MYO18A: variants seen among roughly 807,000 people sequenced by gnomAD.
The protein encoded by MYO18A is myosin XVIIIA.
MYO18A carries 78 observed loss-of-function variants against 235.8 expected under a neutral mutation model. The observed-to-expected ratio is 0.33, with a 90% CI of 0.28 to 0.40. The LOEUF is 0.40. MYO18A is among the 10% of genes least tolerant of loss of function. The pLI, the probability that MYO18A is intolerant of heterozygous loss-of-function variation, is 1.00. For missense variants in MYO18A, 2,215 were observed against 2,699.3 expected (o/e 0.82, Z 3.98); for synonymous variants, 977 against 1,077.8 (o/e 0.91, Z 1.83).
intron 23 of MYO18A, 130 bp downstream of exon 23, chr17:29,098,696 C>G (rs1177073780): frequency 7.6e-7 from 1 of 1,323,392 alleles, no homozygotes; most frequent in African/African-American, 1.5e-5. Context: ...AGAGGGACAT[C>G]TTCTATTTGA....
At chr17:29,122,464 G>A (rs1245487163) in intron 2 of MYO18A, among the ~76,000 whole-genome samples, 9 of 152,182 alleles carry the variant, frequency 5.9e-5, no homozygotes, top group Non-Finnish European at 1.3e-4. Context: ...AAGGAGCCCT[G>A]AGGACAGGAC....
chr17:29,127,843 C>T lies in MYO18A; in HGVS notation c.1000-5590G>A, dbSNP rs912919786. 3.5e-5 allele frequency: 35 copies of T among 987,746 alleles called. No homozygotes were observed. In the African/African-American group the frequency reaches 5.8e-4, roughly 16 times the overall value. 61.2% of individuals were successfully genotyped at this position (987,746 alleles called of 1,614,324 possible). On this transcript the variant is annotated intron_variant, in intron 2 of 41. Coordinates refer to ENST00000527372, the MANE Select transcript of MYO18A (RefSeq NM_078471.4). ...AGGGGCAGGAGCGGTTAGTGACACA[C>T]TCTTGTACCTCCTGCTTCACACCAG...
At chr17:29,128,316 C>T (rs2067375974) in intron 2 of MYO18A, 5 of 1,235,516 alleles carry the variant, frequency 4.0e-6, no homozygotes, top group Middle Eastern at 3.5e-4. Context: ...CCAAGCTCCT[C>T]GCTGGGCAGC....
At chr17:29,082,006 T>A (rs1246542496) in intron 41 of MYO18A, among the ~76,000 whole-genome samples, 1 of 152,188 alleles carries the variant, frequency 6.6e-6, no homozygotes, top group Non-Finnish European at 1.5e-5. Flanking sequence ...CAGTTTTGAT[T>A]CCAAGGGTCT....
chr17:29,119,552 CAT>C, intron 7 of MYO18A, 117 bp from the exon 8 acceptor site: 2 of 513,136 alleles, frequency 3.9e-6, no homozygotes, highest in Non-Finnish European at 6.4e-6. Context: ...CAAGCAGCTG[CAT>C]TTTTTTTTTT....
intron 37 of MYO18A, among the ~76,000 whole-genome samples, chr17:29,089,252 GA>G (rs1371181689): frequency 6.6e-6 from 1 of 151,096 alleles, no homozygotes; most frequent in African/African-American, 2.4e-5. Context: ...CCAACATGGT[GA>G]AACCCCCTCT....
chr17:29,170,046 G>C (rs1008101295), intron 1 of MYO18A, among the ~76,000 whole-genome samples: 14 of 152,136 alleles, frequency 9.2e-5, no homozygotes, highest in African/African-American at 3.4e-4. Flanking sequence ...TCTAGGCCTG[G>C]ATCTGCCAAA....
chr17:29,116,613 G>GCACACACACACACACACACACACA (rs144361514), intron 10 of MYO18A, among the ~76,000 whole-genome samples, 158 bp from the exon 11 acceptor site: 1,694 of 144,884 alleles, frequency 0.012, 36 homozygotes, highest in African/African-American at 0.04. Context: ...TGGGACAAAC[G>GCACACACACACACACACACACACA]CACACACACA....
intron 41 of MYO18A, chr17:29,080,193 A>T: frequency 1.0e-6 from 1 of 985,990 alleles, no homozygotes; most frequent in South Asian, 4.7e-5. Flanking sequence ...TCTTCCTGTC[A>T]TCCTCCTCGG....
intron 1 of MYO18A, among the ~76,000 whole-genome samples, chr17:29,175,650 C>A (rs2068507826): frequency 6.6e-6 from 1 of 151,970 alleles, no homozygotes; most frequent in African/African-American, 2.4e-5. Flanking sequence ...AGGTGTGAAC[C>A]ACTGTGTCCG....
intron 2 of MYO18A, among the ~76,000 whole-genome samples, chr17:29,135,308 G>A (rs185639441): frequency 6.6e-6 from 1 of 151,986 alleles, no homozygotes; most frequent in Non-Finnish European, 1.5e-5. Flanking sequence ...TTCACCGTGT[G>A]AGCCAGGATG....
chr17:29,094,814 C>A lies in MYO18A; in HGVS notation c.4546G>T (p.Val1516Phe), dbSNP rs763968572. The change falls in exon 30 of 42, where the codon GTT becomes TTT. Residue 1516 changes from valine (V) to phenylalanine (F), a missense_variant. By Grantham distance (50) the Val-to-Phe change is conservative. Transcript: ENST00000527372. ...TGGAGCTCTGCCTCTAGAGACACAA[C>A]CTTCTGGGTGAACCCTGCAATGTCC... The part of the protein sequence containing the change: ...DMDIAGFTQK[V>F]VSLEAELQDI... The A allele has an allele frequency of 6.2e-6, 10 of 1,613,944 alleles. No homozygotes were observed. The East Asian group carries it at 8.9e-5, about 14-fold the overall frequency.
chr17:29,107,024 G>A (rs1031803091), intron 20 of MYO18A, 56 bp downstream of exon 20: 41 of 1,523,258 alleles, frequency 2.7e-5, no homozygotes, highest in Non-Finnish European at 3.6e-5. Context: ...GTCTGGAAAG[G>A]GCAGCTGCTT....
rs1227311559 is a variant in MYO18A, at chr17:29,140,213, C to A, written c.1000-17960G>T. The A allele has an allele frequency of 2.4e-5, 14 of 587,390 alleles. No homozygotes were observed. Among genetic ancestry groups the A allele is most frequent in the Non-Finnish European group, 3.4e-5 (14 of 414,636 alleles). The allele number at this position is 587,390 out of a possible 1,614,324, so 36.4% of individuals were successfully genotyped here. A position where few individuals can be genotyped will look rare whatever the true frequency, so the allele number is the denominator to read the frequency against. ...TCGGAGAGGAGCCCCAAGGCTGCCC[C>A]ACCCCTCTCCCCACCTACTTCAGCC... On this transcript the variant is annotated intron_variant, in intron 2 of 41. Coordinates refer to ENST00000527372, the MANE Select transcript of MYO18A (RefSeq NM_078471.4). This position sits in a 1 kb window ranked among gnomAD's most constrained non-coding sequence, Gnocchi z 4.2.
At chr17:29,145,515 C>A (rs1290951973) in intron 2 of MYO18A, among the ~76,000 whole-genome samples, 1 of 152,130 alleles carries the variant, frequency 6.6e-6, no homozygotes, top group Non-Finnish European at 1.5e-5. Flanking sequence ...TACCTCAAGG[C>A]GAACACTGTG....
intron 39 of MYO18A, among the ~76,000 whole-genome samples, chr17:29,086,006 C>T (rs144416108): frequency 1.6e-4 from 24 of 152,376 alleles, no homozygotes; most frequent in African/African-American, 3.8e-4. Flanking sequence ...CTTCCTTCCT[C>T]GTGACTGTCT....
At chr17:29,108,849 G>T (rs1010318858) in intron 19 of MYO18A, among the ~76,000 whole-genome samples, 2 of 152,146 alleles carry the variant, frequency 1.3e-5, no homozygotes, top group African/African-American at 4.8e-5. Flanking sequence ...GGGAAGGGGG[G>T]CCTGCCGCTG....
At position 29,121,175 on chromosome 17, in the gene MYO18A, T is replaced by C. The variant is rs759489307; in HGVS notation, c.1408A>G (p.Met470Val). 3 of 1,609,998 alleles carry C rather than the reference T, an allele frequency of 1.9e-6. No individual in the cohort carries two copies. The highest frequency in any genetic ancestry group is 1.7e-5 in the Admixed American group (1 of 59,484). ...HMFKGCRRED[M>V]APHIYAVAQT... Reference sequence around the variant, plus strand: ...GCCACTGCATAGATGTGGGGTGCCATGTCCTCCCGCCGACAACCCTTGAAC... The same window carrying C: ...GCCACTGCATAGATGTGGGGTGCCACGTCCTCCCGCCGACAACCCTTGAAC... The change falls in exon 6 of 42, where the codon ATG becomes GTG. Residue 470 changes from methionine (M) to valine (V), a missense_variant. By Grantham distance (21) the Met-to-Val change is conservative (BLOSUM62 1). Coordinates refer to ENST00000527372, the MANE Select transcript of MYO18A (RefSeq NM_078471.4). This position sits in a 1 kb window ranked among gnomAD's most constrained non-coding sequence, Gnocchi z 4.2.
In MYO18A at chr17:29,126,037, A is replaced by G; in HGVS notation, c.1000-3784T>C. 3.3e-6 allele frequency: 3 copies of G among 899,528 alleles called. No homozygotes were observed. Among genetic ancestry groups the G allele is most frequent in the Non-Finnish European group, 4.0e-6 (3 of 750,856 alleles). The allele number at this position is 899,528 out of a possible 1,614,324, so 55.7% of individuals were successfully genotyped here. ...CCACAGCATGCGGAGCTCCCAGCCC[A>G]GGAAGCCACTGGGACCCACTAGGGA... On this transcript the variant is annotated intron_variant, in intron 2 of 41. Transcript: ENST00000527372. This position sits in a 1 kb window ranked among gnomAD's most constrained non-coding sequence, Gnocchi z 4.1.
Sources: allele counts gnomAD v4.1 joint callset (sites outside exome capture counted in the v4.1 genomes callset), GRCh38; gene constraint gnomAD v4.1.1; non-coding constraint Gnocchi (gnomAD v3.1); transcripts MANE v1.5; gene names NCBI Gene and HGNC (gene_info 2026-07-23, HGNC 2026-07-21).